The following LFNG variants were observed in gnomAD, a reference collection of about 807,000 sequenced individuals.
LFNG encodes the protein LFNG O-fucosylpeptide 3-beta-N-acetylglucosaminyltransferase, also known as beta-1,3-N-acetylglucosaminyltransferase lunatic fringe.
Under a neutral mutation model 32.7 loss-of-function variants are expected in LFNG, and 15 were observed. That is an observed-to-expected ratio of 0.46 (90% confidence interval 0.31 to 0.71). The LOEUF is 0.71. Ranked by LOEUF, LFNG falls within the 30% of genes least tolerant of loss-of-function variation. The pLI is 0.06. For missense variants in LFNG, 520 were observed against 545.7 expected, an observed-to-expected ratio of 0.95 and a Z score of 0.47; for synonymous variants, 274 against 246.8, an observed-to-expected ratio of 1.11 and a Z score of -1.03.
intron 1 of LFNG, 89 bp from the exon 2 acceptor site, chr7:2,524,606 C>T: frequency 8.0e-7 from 1 of 1,249,346 alleles, no homozygotes; most frequent in Non-Finnish European, 1.1e-6. Flanking sequence ...GCAGCTGCAG[C>T]AACTCCAGGG....
upstream of LFNG, among the ~76,000 whole-genome samples, chr7:2,516,868 G>C (rs1476335653): frequency 6.6e-6 from 1 of 152,206 alleles, no homozygotes; most frequent in African/African-American, 2.4e-5. Flanking sequence ...GGCTCAGGGA[G>C]TAACACCACC....
At chr7:2,513,163 G>A, upstream of LFNG, 8 of 1,613,716 alleles carry the variant, frequency 5.0e-6, no homozygotes, top group Non-Finnish European at 6.8e-6. Flanking sequence ...CCAGTGCCAA[G>A]CAGATCTGGG....
chr7:2,523,169 G>A (rs915896776), intron 1 of LFNG, among the ~76,000 whole-genome samples: 2 of 152,242 alleles, frequency 1.3e-5, no homozygotes, highest in African/African-American at 2.4e-5. Context: ...ACCCAGCGGC[G>A]CAGTGGAGCG....
In LFNG at chr7:2,525,770, G is replaced by A; in HGVS notation, c.821G>A (p.Ser274Asn). 6.2e-7 allele frequency: 1 copy of A among 1,610,974 alleles called. No individual in the cohort carries two copies. The highest frequency in any genetic ancestry group is 8.5e-7 in the Non-Finnish European group (1 of 1,179,756). ...GLALKMSPWA[S>N]GGHFMNTAER... ...GCTCTGAAGATGAGCCCGTGGGCCA[G>A]GTGAGTGCCCTGCACAGGTTAGGCC... is the stretch of plus-strand genomic sequence containing the variant. Residue 274 changes from serine (S) to asparagine (N), a missense_variant and splice_region_variant, in exon 5 of 8, where the codon AGC becomes AAC. Coordinates refer to ENST00000222725, the MANE Select transcript of LFNG (RefSeq NM_001040167.2).
Position 2,526,526 on chromosome 7 carries a change from C to A in LFNG, c.987+117C>A. The A allele has an allele frequency of 8.9e-7, 1 of 1,129,316 alleles. No individual in the cohort carries two copies. Among genetic ancestry groups the A allele is most frequent in the Non-Finnish European group, 1.3e-6 (1 of 779,046 alleles). 70.0% of individuals were successfully genotyped at this position (1,129,316 alleles called of 1,614,324 possible). On this transcript the variant is annotated intron_variant, in intron 6 of 7. Transcript: ENST00000222725. The surrounding 1 kb of genome is among the most constrained non-coding windows in gnomAD (Gnocchi z 6.9). ...CTAAACAGGGAGGCCAGGCAGCACTCCACTGTCAGCCAGGGGGGGTCACTC... is the reference window on the plus strand; with the variant it reads ...CTAAACAGGGAGGCCAGGCAGCACTACACTGTCAGCCAGGGGGGGTCACTC...
upstream of LFNG, among the ~76,000 whole-genome samples, chr7:2,518,897 C>T (rs995392274): frequency 2.6e-5 from 4 of 151,922 alleles, no homozygotes; most frequent in Non-Finnish European, 5.9e-5. Flanking sequence ...CGCCCCCGCT[C>T]GTGCGAGGGG....
chr7:2,516,872 C>T (rs1779639459), upstream of LFNG, among the ~76,000 whole-genome samples: 1 of 152,182 alleles, frequency 6.6e-6, no homozygotes, highest in Admixed American at 6.5e-5. Flanking sequence ...CAGGGAGTAA[C>T]ACCACCGGTT....
At chr7:2,513,304 C>T, upstream of LFNG, 1 of 1,607,742 alleles carries the variant, frequency 6.2e-7, no homozygotes, top group Non-Finnish European at 8.5e-7. Context: ...CTCTCAGGTC[C>T]TACGGAGGTG....
chr7:2,528,846 G>T, downstream of LFNG: 1 of 607,338 alleles, frequency 1.6e-6, no homozygotes, highest in Non-Finnish European at 3.0e-6. Context: ...CGAGCTCACA[G>T]AGTCCACATC....
In LFNG at chr7:2,526,439, T is replaced by A; in HGVS notation, c.987+30T>A. The A allele has an allele frequency of 1.9e-6, 3 of 1,601,070 alleles. No homozygotes were observed. Among genetic ancestry groups the A allele is most frequent in the Non-Finnish European group, 2.5e-6 (3 of 1,179,060 alleles). ...ACCATCCTCCGGGCCCCGCCAGGAC[T>A]CCGAGAGCACAGGAAGGGACGTGTG... On this transcript the variant is annotated intron_variant, in intron 6 of 7. Coordinates refer to ENST00000222725, the MANE Select transcript of LFNG (RefSeq NM_001040167.2). This position sits in a 1 kb window ranked among gnomAD's most constrained non-coding sequence, Gnocchi z 6.9.
chr7:2,527,628 TGCCCTGAA>T lies in LFNG; in HGVS notation c.*418_*425del. ...ACAAGCTCTGTGCTGGGGGTACCTG[TGCCCTGAA>T]GTCCTGGCCCCTGTGTCATAGCCCC... On this transcript the variant is annotated 3_prime_UTR_variant, in exon 8 of 8. Coordinates refer to ENST00000222725, the MANE Select transcript of LFNG (RefSeq NM_001040167.2). This position sits in a 1 kb window ranked among gnomAD's most constrained non-coding sequence, Gnocchi z 4.4. 8.6e-7 allele frequency: 1 copy of T among 1,164,818 alleles called. No individual in the cohort carries two copies. Among genetic ancestry groups the T allele is most frequent in the Admixed American group, 3.9e-5 (1 of 25,690 alleles). The allele number at this position is 1,164,818 out of a possible 1,614,324, so 72.2% of individuals were successfully genotyped here.
chr7:2,527,693 G>A lies in LFNG; in HGVS notation c.*481G>A. ...GACTCACTGAGCCATGCTCATTGCA[G>A]GGGAGGCTGGGTCTGGGGGTGCGTG... On this transcript the variant is annotated 3_prime_UTR_variant, in exon 8 of 8. Coordinates refer to ENST00000222725, the MANE Select transcript of LFNG (RefSeq NM_001040167.2). The surrounding 1 kb of genome is among the most constrained non-coding windows in gnomAD (Gnocchi z 4.4). 9.3e-7 allele frequency: 1 copy of A among 1,080,148 alleles called. No homozygotes were observed. Among genetic ancestry groups the A allele is most frequent in the Non-Finnish European group, 1.1e-6 (1 of 884,448 alleles). The allele number at this position is 1,080,148 out of a possible 1,614,324, so 66.9% of individuals were successfully genotyped here.
chr7:2,516,263 C>T (rs998562748), upstream of LFNG, among the ~76,000 whole-genome samples: 4 of 152,228 alleles, frequency 2.6e-5, no homozygotes, highest in African/African-American at 4.8e-5. Context: ...TGAGTGGGGC[C>T]GCTCTCCATC....
In LFNG at chr7:2,527,291, C is replaced by G. The variant is rs983508434; in HGVS notation, c.*79C>G. 3 of 1,577,304 alleles carry G rather than the reference C, an allele frequency of 1.9e-6. No individual in the cohort carries two copies. Among genetic ancestry groups the G allele is most frequent in the Non-Finnish European group, 2.6e-6 (3 of 1,168,374 alleles). ...GGACCCTGTTGCGCTGCCCTGGCCT[C>G]GGCATTCGAGGCTCCCCTAGGGCCG... is the stretch of plus-strand genomic sequence containing the variant. On this transcript the variant is annotated 3_prime_UTR_variant, in exon 8 of 8. Coordinates refer to ENST00000222725, the MANE Select transcript of LFNG (RefSeq NM_001040167.2). The surrounding 1 kb of genome is among the most constrained non-coding windows in gnomAD (Gnocchi z 4.4).
chr7:2,528,915 A>G (rs995271354), downstream of LFNG: 2 of 519,640 alleles, frequency 3.8e-6, no homozygotes, highest in Non-Finnish European at 7.1e-6. Context: ...CCCAAGGTCC[A>G]GCAGCCATGC....
Position 2,526,850 on chromosome 7 carries a change from C to T in LFNG, c.1002C>T (p.Tyr334=), listed in dbSNP as rs61743870. The T allele has an allele frequency of 0.031, 49,241 of 1,612,152 alleles. 1,725 individuals are homozygous for T. Among genetic ancestry groups the T allele is most frequent in the East Asian group, 0.15 (6,667 of 44,798 alleles). ...SELHEQVTLS[Y]GMFENKRNAV... Reference sequence around the variant, plus strand: ...GCTCCCCACAGGTGACGCTGAGCTACGGTATGTTTGAAAACAAGCGGAACG... The same window carrying T: ...GCTCCCCACAGGTGACGCTGAGCTATGGTATGTTTGAAAACAAGCGGAACG... Residue 334 remains tyrosine, a synonymous_variant, in exon 7 of 8, where the codon TAC becomes TAT. Coordinates refer to ENST00000222725, the MANE Select transcript of LFNG (RefSeq NM_001040167.2). This position sits in a 1 kb window ranked among gnomAD's most constrained non-coding sequence, Gnocchi z 6.9.
chr7:2,526,240 G>C lies in LFNG; in HGVS notation c.822-4G>C. ...TCACTGGTCTGGGCCCTTCCCTCCC[G>C]CAGCGGGGGTCACTTCATGAATACG... On this transcript the variant is annotated splice_polypyrimidine_tract_variant and splice_region_variant and intron_variant, in intron 5 of 7. Transcript: ENST00000222725. The surrounding 1 kb of genome is among the most constrained non-coding windows in gnomAD (Gnocchi z 6.9). The C allele has an allele frequency of 1.2e-6, 2 of 1,612,668 alleles. No homozygotes were observed. Among genetic ancestry groups the C allele is most frequent in the Admixed American group, 1.7e-5 (1 of 60,024 alleles).
upstream of LFNG, chr7:2,513,094 C>G: frequency 6.5e-7 from 1 of 1,543,928 alleles, no homozygotes; most frequent in Non-Finnish European, 8.9e-7. Flanking sequence ...GGGCCCTGGG[C>G]ACCTTTGGGC....
chr7:2,520,086 C>G lies in LFNG; in HGVS notation c.225C>G (p.Ser75=). Residue 75 remains serine, a synonymous_variant, in exon 1 of 8, where the codon TCC becomes TCG. Coordinates refer to ENST00000222725, the MANE Select transcript of LFNG (RefSeq NM_001040167.2). The surrounding 1 kb of genome is among the most constrained non-coding windows in gnomAD (Gnocchi z 5.0). ...GALVRDVHSL[S]EYFSLLTRAR... The stretch of plus-strand genomic sequence containing the variant: ...TGGTCCGCGACGTGCACAGTCTGTC[C>G]GAGTACTTCAGCCTGCTCACCCGCG... 7.6e-7 allele frequency: 1 copy of G among 1,318,268 alleles called. No homozygotes were observed. The highest frequency in any genetic ancestry group is 9.8e-7 in the Non-Finnish European group (1 of 1,024,324). 81.7% of individuals were successfully genotyped at this position (1,318,268 alleles called of 1,614,324 possible). A position where few individuals can be genotyped will look rare whatever the true frequency, so the allele number is the denominator to read the frequency against.
Sources: allele counts gnomAD v4.1 joint callset (sites outside exome capture counted in the v4.1 genomes callset), GRCh38; gene constraint gnomAD v4.1.1; non-coding constraint Gnocchi (gnomAD v3.1); transcripts MANE v1.5; gene names NCBI Gene and HGNC (gene_info 2026-07-23, HGNC 2026-07-21).